CD244: variants seen among roughly 807,000 people sequenced by gnomAD.
CD244 encodes CD244 molecule, also known as natural killer cell receptor 2B4.
A neutral mutation model predicts 45.5 loss-of-function variants in CD244; 20 were observed. The observed-to-expected ratio is 0.44, with a 90% confidence interval of 0.31 to 0.64. The LOEUF is 0.64. CD244 is among the 30% of genes least tolerant of loss of function. The pLI is 0.08. For missense variants in CD244, 407 were observed against 426.9 expected (o/e 0.95, Z 0.41); for synonymous variants, 185 against 160.5 (o/e 1.15, Z -1.15).
chr1:160,839,702 T>C (rs189701587), intron 3 of CD244, among the ~76,000 whole-genome samples: 7 of 152,336 alleles, frequency 4.6e-5, no homozygotes, highest in African/African-American at 1.7e-4. Context: ...GACTTAAACA[T>C]TCGTGGATCT....
chr1:160,859,281 G>A (rs773384107), intron 1 of CD244, among the ~76,000 whole-genome samples: 5 of 152,210 alleles, frequency 3.3e-5, no homozygotes, highest in Admixed American at 6.5e-5. Context: ...AATGCTGTGA[G>A]CAAGAGGAGA....
intron 1 of CD244, among the ~76,000 whole-genome samples, chr1:160,856,083 C>T (rs901034164): frequency 2.0e-5 from 3 of 152,200 alleles, no homozygotes; most frequent in Admixed American, 6.5e-5. Flanking sequence ...AGGGCTTGTG[C>T]TACCAGGCTT....
At chr1:160,832,303 A>T (rs757814955) in intron 8 of CD244, among the ~76,000 whole-genome samples, 3 of 152,202 alleles carry the variant, frequency 2.0e-5, no homozygotes, top group African/African-American at 7.2e-5. Flanking sequence ...AGTAAGTATC[A>T]TATCTAAACA....
intron 1 of CD244, among the ~76,000 whole-genome samples, chr1:160,842,399 A>G (rs1357812551): frequency 6.6e-6 from 1 of 152,014 alleles, no homozygotes; most frequent in Non-Finnish European, 1.5e-5. Context: ...CACAGGTGCT[A>G]GGGAGCTTAT....
At chr1:160,856,881 G>A (rs996800791) in intron 1 of CD244, among the ~76,000 whole-genome samples, 4 of 146,528 alleles carry the variant, frequency 2.7e-5, no homozygotes, top group Admixed American at 6.8e-5. Flanking sequence ...GAGTGAAAAG[G>A]CAACCAATAG....
chr1:160,834,406 A>G (rs1000166097), intron 6 of CD244, among the ~76,000 whole-genome samples: 3 of 152,050 alleles, frequency 2.0e-5, no homozygotes, highest in Non-Finnish European at 2.9e-5. Context: ...CCTGGGCTGG[A>G]GTGCAATGTC....
intron 1 of CD244, chr1:160,848,507 G>T: frequency 2.1e-6 from 1 of 478,746 alleles, no homozygotes; most frequent in Admixed American, 2.5e-5. Flanking sequence ...ACTCTAATCT[G>T]ATATAAATCA....
In CD244 at chr1:160,832,360, G is replaced by C. The variant is rs77634821; in HGVS notation, c.1017+159C>G. ...ACCCTCACTCTCCTTGGGCTTCAGT[G>C]TCTTCATCTCTAAAACAAAGACTTG... On this transcript the variant is annotated intron_variant, in intron 8 of 8. Transcript: ENST00000368034. Among the ~76,000 whole-genome samples, 1,505 of 152,240 alleles carry C rather than the reference G, an allele frequency of 9.9e-3. 12 individuals are homozygous for C. Among genetic ancestry groups the C allele is most frequent in the Non-Finnish European group, 0.016 (1,068 of 68,024 alleles).
At position 160,836,185 on chromosome 1, in the gene CD244, G is replaced by A. The variant is rs765454524; in HGVS notation, c.894+10C>T. 1.9e-6 allele frequency: 3 copies of A among 1,610,152 alleles called. No homozygotes were observed. The highest frequency in any genetic ancestry group is 2.2e-5 in the South Asian group (2 of 90,960). ...AGGTATGGAATGGACTAGAGAAACT[G>A]GAGAGGTACCTGGGACTGGATCATA... is the stretch of plus-strand genomic sequence containing the variant. On this transcript the variant is annotated intron_variant, in intron 6 of 8. Transcript: ENST00000368034.
Position 160,838,983 on chromosome 1 carries a change from G to A in CD244, c.722C>T (p.Ala241Val), listed in dbSNP as rs1232598092. 6.2e-7 allele frequency: 1 copy of A among 1,613,990 alleles called. No individual in the cohort carries two copies. The highest frequency in any genetic ancestry group is 1.7e-5 in the Admixed American group (1 of 60,010). Residue 241 changes from alanine to valine, a missense_variant, in exon 4 of 9, where the codon GCC (alanine) becomes GTC (valine). Ala to Val is a moderately conservative substitution (Grantham distance 64). Transcript: ENST00000368034. The stretch of plus-strand genomic sequence containing the variant: ...CTTTCTCCTCCACACACAGAAGCAG[G>A]CAAGGGTGCCAAGGAACAGTGCGCT... ...ILSALFLGTL[A>V]CFCVWRRKRK...
At chr1:160,857,579 T>G (rs1343472615) in intron 1 of CD244, among the ~76,000 whole-genome samples, 2 of 152,232 alleles carry the variant, frequency 1.3e-5, no homozygotes, top group Admixed American at 1.3e-4. Flanking sequence ...ATCTGTGATG[T>G]TAGAAGTCAG....
intron 1 of CD244, among the ~76,000 whole-genome samples, chr1:160,858,192 T>C (rs1484638492): frequency 6.6e-6 from 1 of 151,916 alleles, no homozygotes; most frequent in East Asian, 1.9e-4. Flanking sequence ...CTCTTTTCTG[T>C]GTCCAGCTAC....
intron 1 of CD244, among the ~76,000 whole-genome samples, chr1:160,850,248 A>G (rs533981019): frequency 4.6e-5 from 7 of 152,258 alleles, no homozygotes; most frequent in South Asian, 4.1e-4. Flanking sequence ...GATAAAATAT[A>G]TAGAAATAAT....
In CD244 at chr1:160,862,649, A is replaced by G; in HGVS notation, c.29T>C (p.Leu10Pro). 1 of 1,614,034 alleles carries G rather than the reference A, an allele frequency of 6.2e-7. No individual in the cohort carries two copies. The highest frequency in any genetic ancestry group is 8.5e-7 in the Non-Finnish European group (1 of 1,179,946). MLGQVVTLILLLLLKVYQGK... is the reference protein window; with the variant it reads MLGQVVTLIPLLLLKVYQGK... ...CTGATACACCTTGAGGAGCAGGAGG[A>G]GTATGAGGGTGACCACTTGCCCCAG... The change falls in exon 1 of 9, where the codon CTC becomes CCC. Residue 10 changes from leucine to proline, a missense_variant. By Grantham distance (98) the Leu-to-Pro change is moderately conservative (BLOSUM62 -3). Transcript: ENST00000368034.
chr1:160,861,756 G>T (rs1308661163), intron 1 of CD244, among the ~76,000 whole-genome samples: 1 of 152,116 alleles, frequency 6.6e-6, no homozygotes, highest in African/African-American at 2.4e-5. Flanking sequence ...AGAATCACTT[G>T]AACCCGGGAG....
intron 1 of CD244, among the ~76,000 whole-genome samples, chr1:160,853,510 A>T (rs930512516): frequency 2.0e-5 from 3 of 152,164 alleles, no homozygotes; most frequent in African/African-American, 7.2e-5. Context: ...CACAGCTGTG[A>T]GTTGTATCTT....
At chr1:160,844,165 C>G (rs1436767658) in intron 1 of CD244, among the ~76,000 whole-genome samples, 1 of 152,112 alleles carries the variant, frequency 6.6e-6, no homozygotes, top group Non-Finnish European at 1.5e-5. Flanking sequence ...ATAACATCAA[C>G]CAGAGCATTA....
chr1:160,841,460 C>A lies in CD244; in HGVS notation c.405G>T (p.Gln135His). ...VFDKVEKPRL[Q>H]GQGKILDRGR... ...CTCTGTCCAGGATCTTCCCCTGCCC[C>A]TGTAGGCGGGGTTTCTCAACTTTAT... is the stretch of plus-strand genomic sequence containing the variant. Residue 135 changes from glutamine (Q) to histidine (H), a missense_variant, in exon 3 of 9, where the codon CAG becomes CAT. Gln to His is a conservative substitution (Grantham distance 24). Transcript: ENST00000368034. 1 of 1,614,068 alleles carries A rather than the reference C, an allele frequency of 6.2e-7. No homozygotes were observed. Among genetic ancestry groups the A allele is most frequent in the Non-Finnish European group, 8.5e-7 (1 of 1,180,020 alleles).
Position 160,838,537 on chromosome 1 carries a change from A to G in CD244, c.767-19T>C, listed in dbSNP as rs1262196335. The G allele has an allele frequency of 1.3e-6, 2 of 1,587,156 alleles. No homozygotes were observed. Among genetic ancestry groups the G allele is most frequent in the Admixed American group, 3.3e-5 (2 of 59,968 alleles). On this transcript the variant is annotated intron_variant, in intron 4 of 8. Transcript: ENST00000368034. ...CTGGTCTCTGAGGGAGGAAGAAAAC[A>G]AAGAGCAGAGCTGCAGAAACCTCCA...
Sources: allele counts gnomAD v4.1 joint callset (sites outside exome capture counted in the v4.1 genomes callset), GRCh38; gene constraint gnomAD v4.1.1; transcripts MANE v1.5; gene names NCBI Gene and HGNC (gene_info 2026-07-23, HGNC 2026-07-21).